The following CHM variants were observed in gnomAD, a reference collection of about 807,000 sequenced individuals.
The protein encoded by CHM is CHM Rab escort protein.
CHM carries 10 observed loss-of-function variants against 49.0 expected under a neutral mutation model. The observed-to-expected ratio is 0.20, with a 90% CI of 0.13 to 0.35. CHM has a LOEUF of 0.35. Among genes scored for constraint, CHM ranks in the 10% least tolerant of loss-of-function variants. The pLI is 1.00. For synonymous variants in CHM, 184 were observed against 167.5 expected (o/e 1.10, Z -0.76); for missense variants, 455 against 478.4 (o/e 0.95, Z 0.46).
chrX:85,965,552 C>T (rs1053966423), intron 4 of CHM, among the ~76,000 whole-genome samples: 7 of 111,217 alleles, frequency 6.3e-5, no homozygotes, highest in Non-Finnish European at 1.1e-4. Flanking sequence ...ATGGTTTATA[C>T]GTGCAGACTA....
intron 12 of CHM, among the ~76,000 whole-genome samples, chrX:85,883,021 T>A (rs1490190215): frequency 9.0e-6 from 1 of 111,456 alleles, no homozygotes; most frequent in Non-Finnish European, 1.9e-5. Context: ...CGAAGCTAAT[T>A]CCTTACTCAC....
chrX:85,895,496 A>C (rs1183982137), intron 11 of CHM, among the ~76,000 whole-genome samples: 1 of 111,576 alleles, frequency 9.0e-6, no homozygotes, highest in South Asian at 3.7e-4. Context: ...TCCTCAAACT[A>C]ATATTCATCT....
intron 1 of CHM, among the ~76,000 whole-genome samples, chrX:86,042,535 C>T (rs1444328213): frequency 9.1e-6 from 1 of 110,065 alleles, no homozygotes; most frequent in Non-Finnish European, 1.9e-5. Flanking sequence ...AACAACCAGT[C>T]GACCAGGCAC....
At chrX:85,942,104 C>A (rs1347189236) in intron 8 of CHM, among the ~76,000 whole-genome samples, 1 of 111,348 alleles carries the variant, frequency 9.0e-6, no homozygotes, top group African/African-American at 3.3e-5. Context: ...TCCCATTGGT[C>A]TGGCTCCAAA....
chrX:85,873,104 T>G lies in CHM; in HGVS notation c.1718A>C (p.Tyr573Ser), dbSNP rs1924186788. The change falls in exon 14 of 15, where the codon TAT becomes TCT. Residue 573 changes from tyrosine to serine, a missense_variant. Coordinates refer to ENST00000357749, the MANE Select transcript of CHM (RefSeq NM_000390.4). Reference sequence around the variant, plus strand: ...ACCACAATCTGGGCCAGAGCAGACATAAACGTTGGATGGTAAATCATTATA... The same window carrying G: ...ACCACAATCTGGGCCAGAGCAGACAGAAACGTTGGATGGTAAATCATTATA... ...SCYNDLPSNVYVCSGPDCGLG... is the reference protein window; with the variant it reads ...SCYNDLPSNVSVCSGPDCGLG... 8.3e-7 allele frequency: 1 copy of G among 1,206,074 alleles called. No individual in the cohort carries two copies. The highest frequency in any genetic ancestry group is 2.2e-5 in the Admixed American group (1 of 45,622).
At chrX:85,934,819 G>A (rs971026515) in intron 8 of CHM, among the ~76,000 whole-genome samples, 1 of 110,734 alleles carries the variant, frequency 9.0e-6, no homozygotes, top group Non-Finnish European at 1.9e-5. Flanking sequence ...GGTTTCTTGA[G>A]TAGGTATAAT....
chrX:85,972,401 G>C (rs182847120), intron 4 of CHM, among the ~76,000 whole-genome samples: 1 of 113,394 alleles, frequency 8.8e-6, no homozygotes, highest in African/African-American at 3.2e-5. Flanking sequence ...GGGCGCCGTG[G>C]AGCAGGGGGC....
intron 8 of CHM, among the ~76,000 whole-genome samples, chrX:85,941,699 C>T (rs6623547): frequency 2.9e-4 from 32 of 111,004 alleles, no homozygotes; most frequent in African/African-American, 1.0e-3. Flanking sequence ...CAAAAGGTTT[C>T]AATGGAGACC....
chrX:85,965,910 T>C (rs1169845741), intron 4 of CHM, among the ~76,000 whole-genome samples: 1 of 111,918 alleles, frequency 8.9e-6, no homozygotes, highest in African/African-American at 3.3e-5. Context: ...TAGGAAACAC[T>C]TGGCAAGTCA....
chrX:85,891,185 A>G (rs1259543825), intron 12 of CHM, among the ~76,000 whole-genome samples: 1 of 112,407 alleles, frequency 8.9e-6, no homozygotes, highest in Non-Finnish European at 1.9e-5. Flanking sequence ...GAAACAGAGC[A>G]TAAAAGTTCA....
intron 9 of CHM, among the ~76,000 whole-genome samples, chrX:85,907,558 A>G (rs1019982941): frequency 1.8e-5 from 2 of 112,547 alleles, no homozygotes; most frequent in Non-Finnish European, 3.8e-5. Context: ...CCTCTCAAAT[A>G]AGAAAGCAGA....
intron 4 of CHM, among the ~76,000 whole-genome samples, chrX:85,975,976 TA>T (rs1931231871): frequency 8.9e-6 from 1 of 112,353 alleles, no homozygotes; most frequent in African/African-American, 3.2e-5. Flanking sequence ...TATATAGTGA[TA>T]CTCTTACTTA....
rs1357831259 is a variant in CHM at position 85,901,175 on chromosome X, T to C, written c.1258A>G (p.Ile420Val). 1 of 1,157,904 alleles carries C rather than the reference T, an allele frequency of 8.6e-7. No homozygotes were observed. ...DKESRKCKAI[I>V]DQFGQRIISE... ...ATTATTCTCTGACCAAACTGATCTA[T>C]AATTGCTTTACATCTATAAAGAAGA... The change falls in exon 10 of 15, where the codon ATA becomes GTA. Residue 420 changes from isoleucine to valine, a missense_variant. Physicochemically the swap from Ile to Val is conservative, Grantham distance 29 (BLOSUM62 3). Transcript: ENST00000357749.
rs190624024 is a variant in CHM at position 85,882,747 on chromosome X, C to A, written c.1511-3684G>T. Among the ~76,000 whole-genome samples the A allele has an allele frequency of 3.6e-5, 4 of 111,808 alleles. No homozygotes were observed. In the East Asian group the frequency reaches 1.1e-3, roughly 32 times the overall value. The stretch of plus-strand genomic sequence containing the variant: ...CCAAAACTGCCTTTGGAATGCTGAT[C>A]GCTCTTACGAGTTGTTTTGAAACAC... On this transcript the variant is annotated intron_variant, in intron 12 of 14. Coordinates refer to ENST00000357749, the MANE Select transcript of CHM (RefSeq NM_000390.4).
chrX:85,868,213 C>T (rs1412458399), intron 14 of CHM, among the ~76,000 whole-genome samples: 1 of 111,691 alleles, frequency 9.0e-6, no homozygotes, highest in African/African-American at 3.3e-5. Flanking sequence ...TATGTAGAAT[C>T]TAAAAAAGTT....
At chrX:85,992,913 T>C (rs1932272483) in intron 2 of CHM, among the ~76,000 whole-genome samples, 1 of 112,038 alleles carries the variant, frequency 8.9e-6, no homozygotes, top group East Asian at 2.8e-4. Context: ...GTTTGAGTTA[T>C]TACTCATTCC....
intron 2 of CHM, among the ~76,000 whole-genome samples, chrX:85,986,734 C>T (rs886248798): frequency 8.9e-6 from 1 of 111,947 alleles, no homozygotes; most frequent in Non-Finnish European, 1.9e-5. Flanking sequence ...AATCAATGCA[C>T]GAACTCGGGT....
intron 8 of CHM, among the ~76,000 whole-genome samples, chrX:85,924,140 T>C (rs1460828072): frequency 9.0e-6 from 1 of 110,852 alleles, no homozygotes; most frequent in Non-Finnish European, 1.9e-5. Flanking sequence ...ATGATCAGAT[T>C]TGTATTATTT....
intron 9 of CHM, among the ~76,000 whole-genome samples, chrX:85,910,809 C>T (rs895092123): frequency 1.0e-4 from 11 of 107,875 alleles, no homozygotes; most frequent in Non-Finnish European, 2.1e-4. Context: ...TAACAGAGGG[C>T]TTTGTTGTCA....
Sources: gnomAD v4.1 joint callset for allele counts (sites outside exome capture counted in the v4.1 genomes callset) on GRCh38, gnomAD v4.1.1 for gene constraint, MANE v1.5 for transcripts, NCBI Gene and HGNC (gene_info 2026-07-23, HGNC 2026-07-21) for gene names.